Variants in COL6A3 observed in about 807,000 individuals in gnomAD.
COL6A3 encodes collagen alpha-3(VI) chain.
In COL6A3, 137 loss-of-function variants were observed where a neutral mutation model predicts 274.1. The ratio of observed to expected loss-of-function variants is 0.50; its 90% CI spans 0.44 to 0.58. The LOEUF is 0.58. COL6A3 is among the 20% of genes least tolerant of loss of function. The pLI is 0.00. For missense variants in COL6A3, 3,950 were observed against 4,124.9 expected, an observed-to-expected ratio of 0.96 and a Z score of 1.16; for synonymous variants, 1,650 against 1,650.6, an observed-to-expected ratio of 1.00 and a Z score of 0.01.
intron 12 of COL6A3, among the ~76,000 whole-genome samples, chr2:237,365,233 G>A (rs1428586066): frequency 2.0e-5 from 3 of 151,056 alleles, no homozygotes; most frequent in Non-Finnish European, 2.9e-5. Context: ...CCGACACCTC[G>A]AGGATGTCAA....
rs909857244 is a variant in COL6A3 at position 237,394,876 on chromosome 2, G to A, written c.420C>T (p.Asp140=). The A allele has an allele frequency of 3.7e-6, 6 of 1,611,714 alleles. No homozygotes were observed. Among genetic ancestry groups the A allele is most frequent in the South Asian group, 2.2e-5 (2 of 91,056 alleles). The change falls in exon 3 of 44, where the codon GAC becomes GAT. Residue 140 remains aspartate (D), a synonymous_variant. Transcript: ENST00000295550. The stretch of plus-strand genomic sequence containing the variant: ...ACACTACGATAACCTGAGGGACTCC[G>A]TCACCGGCCCGGCTTCCAGCAGCCT... ...LTKAAGSRAG[D]GVPQVIVVLT... is the part of the protein sequence containing the mutation.
In COL6A3 at chr2:237,371,827, A is replaced by C; in HGVS notation, c.4190T>G (p.Leu1397Arg). ...YVFSVSTFRE[L>R]PSLEQKLLTP... ...CAGCAGTTTCTGCTCCAGGCTGGGC[A>C]GCTCCCGGAAGGTGCTCACCGAGAA... The change falls in exon 9 of 44, where the codon CTG (leucine) becomes CGG (arginine). Residue 1397 changes from leucine (L) to arginine (R), a missense_variant. Leu to Arg is a moderately radical substitution (Grantham distance 102). Around this residue, in one of 5 missense-constraint regions of COL6A3, gnomAD observed 1,934 missense variants for 1,984.3 expected, o/e 0.97. Coordinates refer to ENST00000295550, the MANE Select transcript of COL6A3 (RefSeq NM_004369.4). The surrounding 1 kb of genome is among the most constrained non-coding windows in gnomAD (Gnocchi z 4.3). 6.2e-7 allele frequency: 1 copy of C among 1,613,554 alleles called. No homozygotes were observed. Among genetic ancestry groups the C allele is most frequent in the Non-Finnish European group, 8.5e-7 (1 of 1,179,962 alleles).
chr2:237,379,654 G>T (rs1036040237), intron 5 of COL6A3, among the ~76,000 whole-genome samples: 1 of 152,086 alleles, frequency 6.6e-6, no homozygotes, highest in East Asian at 1.9e-4. Flanking sequence ...ACAAACAGAG[G>T]GTCTTCCATC....
chr2:237,324,863 AAG>A lies in COL6A3; in HGVS notation c.9494-51_9494-50del, dbSNP rs375892263. ...GTGGGGTGAGGTGAGGAGCCGAGAG[AAG>A]AGAGGAAAAGCCACATTACTGACCC... On this transcript the variant is annotated intron_variant, in intron 43 of 43. Coordinates refer to ENST00000295550, the MANE Select transcript of COL6A3 (RefSeq NM_004369.4). 373 of 1,596,194 alleles carry A rather than the reference AAG, an allele frequency of 2.3e-4. 1 individual carries two copies. The East Asian group carries it at 3.6e-3, about 15-fold the overall frequency.
Position 237,396,764 on chromosome 2 carries a change from T to C in COL6A3, c.54A>G (p.Ser18=). 6.2e-7 allele frequency: 1 copy of C among 1,614,178 alleles called. No homozygotes were observed. Reference sequence around the variant, plus strand: ...GCTGGGCATGAGTTGTAGGAAAGCCTGAGAGAAAGAGGCAAAAGACGGCCA... The same window carrying C: ...GCTGGGCATGAGTTGTAGGAAAGCCCGAGAGAAAGAGGCAAAAGACGGCCA... The part of the protein sequence containing the change: ...PLVAVFCLFL[S]GFPTTHAQQQ... The change falls in exon 2 of 44, where the codon TCA becomes TCG. Residue 18 remains serine (S), a synonymous_variant. Coordinates refer to ENST00000295550, the MANE Select transcript of COL6A3 (RefSeq NM_004369.4).
chr2:237,376,682 T>C, intron 7 of COL6A3, 90 bp downstream of exon 7: 1 of 1,299,322 alleles, frequency 7.7e-7, no homozygotes, highest in Non-Finnish European at 1.1e-6. Flanking sequence ...CAAGGAGGGC[T>C]TCTATCTAAG....
chr2:237,338,663 G>A (rs1354029608), intron 39 of COL6A3, among the ~76,000 whole-genome samples: 1 of 152,186 alleles, frequency 6.6e-6, no homozygotes, highest in African/African-American at 2.4e-5. Context: ...AGCTACTCGG[G>A]AGGCTGAAGC....
chr2:237,333,192 G>T (rs915945670), intron 42 of COL6A3: 4 of 553,844 alleles, frequency 7.2e-6, no homozygotes, highest in Admixed American at 3.0e-5. Flanking sequence ...ATGTCTAATG[G>T]ATACGTGAAT....
chr2:237,356,812 G>C (rs141504014), intron 23 of COL6A3: 1 of 173,710 alleles, frequency 5.8e-6, no homozygotes, highest in African/African-American at 2.4e-5. Context: ...TATTCAACAA[G>C]ACTGAGGATT....
chr2:237,376,947 C>T lies in COL6A3; in HGVS notation c.2895G>A (p.Gln965=), dbSNP rs775993027. ...RVDGPASNLK[Q]SGVVPFIFQA... is the part of the protein sequence containing the mutation. ...GGAAGATGAAAGGCACAACCCCACT[C>T]TGCTTCAGGTTACTTGCTGGCCCAT... The change falls in exon 7 of 44, where the codon CAG becomes CAA. Residue 965 remains glutamine, a synonymous_variant. Transcript: ENST00000295550. The T allele has an allele frequency of 1.2e-6, 2 of 1,614,254 alleles. No homozygotes were observed. The highest frequency in any genetic ancestry group is 1.7e-6 in the Non-Finnish European group (2 of 1,180,044).
At chr2:237,359,158 G>A in intron 19 of COL6A3, 48 bp downstream of exon 19, 1 of 1,613,296 alleles carries the variant, frequency 6.2e-7, no homozygotes, top group Non-Finnish European at 8.5e-7. Context: ...TTAGTTTCTG[G>A]AATCTTCAGA....
Position 237,367,255 on chromosome 2 carries a change from C to T in COL6A3, c.4932G>A (p.Leu1644=), listed in dbSNP as rs750374768. 9.9e-6 allele frequency: 16 copies of T among 1,613,588 alleles called. No homozygotes were observed. Among genetic ancestry groups the T allele is most frequent in the Admixed American group, 5.0e-5 (3 of 59,968 alleles). ...CCCTCCTGAAGTTGATGGAACCATC[C>T]AACAGGAACACAATGTCTGCTTTCT... The part of the protein sequence containing the change: ...EKKKADIVFL[L]DGSINFRRDS... Residue 1644 remains leucine (L), a synonymous_variant, in exon 11 of 44, where the codon TTG becomes TTA. Transcript: ENST00000295550.
intron 39 of COL6A3, 65 bp downstream of exon 39, chr2:237,338,950 G>C: frequency 1.6e-6 from 2 of 1,272,720 alleles, no homozygotes; most frequent in South Asian, 1.2e-5. Flanking sequence ...GTCAGGAGGT[G>C]GTTGGAGGAC....
intron 4 of COL6A3, among the ~76,000 whole-genome samples, chr2:237,385,805 T>C (rs1490557666): frequency 6.6e-6 from 1 of 152,212 alleles, no homozygotes; most frequent in East Asian, 1.9e-4. Flanking sequence ...CTGTTTCCAT[T>C]GCTTCTCAAT....
chr2:237,391,754 A>G (rs1419346357), intron 3 of COL6A3, among the ~76,000 whole-genome samples: 1 of 152,088 alleles, frequency 6.6e-6, no homozygotes, highest in Non-Finnish European at 1.5e-5. Flanking sequence ...CAAACTCCTG[A>G]CCTCAGATGA....
chr2:237,350,931 G>A (rs1325185262), intron 27 of COL6A3, among the ~76,000 whole-genome samples, 199 bp downstream of exon 27: 1 of 152,214 alleles, frequency 6.6e-6, no homozygotes, highest in Non-Finnish European at 1.5e-5. Flanking sequence ...GTTGGTGGCA[G>A]GGATGGTGGT....
In COL6A3 at chr2:237,339,019, G is replaced by C; in HGVS notation, c.8563C>G (p.Gln2855Glu). 2 of 1,612,788 alleles carry C rather than the reference G, an allele frequency of 1.2e-6. No homozygotes were observed. Among genetic ancestry groups the C allele is most frequent in the Non-Finnish European group, 1.7e-6 (2 of 1,178,862 alleles). The change falls in exon 39 of 44, where the codon CAA (glutamine) becomes GAA (glutamate). Residue 2855 changes from glutamine (Q) to glutamate (E), a missense_variant. Gln to Glu is a conservative substitution (Grantham distance 29). Transcript: ENST00000295550. ...ACAATAATTATAATCACTTACACTT[G>C]TTTGTGACCAAACTTCACAAGGTTC... ...TKNLVKFGHKQVNVPNNVTSS... is the reference protein window; with the variant it reads ...TKNLVKFGHKEVNVPNNVTSS...
In COL6A3 at chr2:237,372,026, G is replaced by A. The variant is rs750341446; in HGVS notation, c.3991C>T (p.Arg1331Cys). ...RNIFKRPLGS[R>C]IEEGVPQFLV... ...AACTGCGGGACGCCCTCTTCAATGC[G>A]GCTCCCCAGGGGCCTCTTGAAGATG... The change falls in exon 9 of 44, where the codon CGC becomes TGC. Residue 1331 changes from arginine to cysteine, a missense_variant. By Grantham distance (180) the Arg-to-Cys change is radical (BLOSUM62 -3). Coordinates refer to ENST00000295550, the MANE Select transcript of COL6A3 (RefSeq NM_004369.4). 5.6e-6 allele frequency: 9 copies of A among 1,613,938 alleles called. No homozygotes were observed. Among genetic ancestry groups the A allele is most frequent in the East Asian group, 2.2e-5 (1 of 44,884 alleles).
chr2:237,336,365 G>T lies in COL6A3; in HGVS notation c.8735C>A (p.Pro2912Gln). 8 of 1,614,148 alleles carry T rather than the reference G, an allele frequency of 5.0e-6. No individual in the cohort carries two copies. Among genetic ancestry groups the T allele is most frequent in the Non-Finnish European group, 6.8e-6 (8 of 1,180,002 alleles). ...QPSVKPAAAK[P>Q]APAKPVAAKP... ...GGCAGCCACAGGTTTCGCAGGGGCC[G>T]GCTTTGCAGCGGCTGGCTTCACAGA... Residue 2912 changes from proline to glutamine, a missense_variant, in exon 40 of 44, where the codon CCG (proline) becomes CAG (glutamine). Around this residue, in one of 5 missense-constraint regions of COL6A3, gnomAD observed 1,284 missense variants for 1,349.7 expected, o/e 0.95. Coordinates refer to ENST00000295550, the MANE Select transcript of COL6A3 (RefSeq NM_004369.4).
Sources: allele counts gnomAD v4.1 joint callset (sites outside exome capture counted in the v4.1 genomes callset), GRCh38; gene constraint gnomAD v4.1.1; regional missense constraint gnomAD v4.1.1; non-coding constraint Gnocchi (gnomAD v3.1); transcripts MANE v1.5; gene names NCBI Gene and HGNC (gene_info 2026-07-23, HGNC 2026-07-21).